Variants in LARP1 observed in about 807,000 individuals in gnomAD.
LARP1 encodes the protein La ribonucleoprotein 1, translational regulator, also known as la-related protein 1.
Under a neutral mutation model 122.7 loss-of-function variants are expected in LARP1, and 36 were observed. The ratio of observed to expected loss-of-function variants is 0.29; its 90% CI spans 0.22 to 0.39. The LOEUF (loss-of-function observed/expected upper bound fraction) is 0.39. LARP1 is among the 10% of genes least tolerant of loss of function. LARP1 has a pLI of 1.00. For synonymous variants in LARP1, 539 were observed against 528.7 expected (o/e 1.02, Z -0.27); for missense variants, 1,040 against 1,403.6 (o/e 0.74, Z 4.14).
At chr5:154,788,950 G>A (rs1757108656) in intron 1 of LARP1, among the ~76,000 whole-genome samples, 1 of 152,078 alleles carries the variant, frequency 6.6e-6, no homozygotes, top group African/African-American at 2.4e-5. Context: ...AGTGGCTGAC[G>A]CCTGTAATCC....
intron 1 of LARP1, among the ~76,000 whole-genome samples, chr5:154,740,073 C>A (rs1454064040): frequency 6.9e-6 from 1 of 145,874 alleles, no homozygotes; most frequent in African/African-American, 2.6e-5. Flanking sequence ...AAAAAACACA[C>A]CACACACACA....
intron 1 of LARP1, among the ~76,000 whole-genome samples, chr5:154,771,811 A>G (rs1234509023): frequency 6.6e-6 from 1 of 152,156 alleles, no homozygotes; most frequent in East Asian, 1.9e-4. Flanking sequence ...GCCTGCTGGA[A>G]AGACCTTGTA....
intron 1 of LARP1, among the ~76,000 whole-genome samples, chr5:154,720,406 T>C (rs563272043): frequency 2.0e-5 from 3 of 152,222 alleles, no homozygotes; most frequent in Admixed American, 6.5e-5. Context: ...TAGAGTGGTT[T>C]GTAATGGTTC....
intron 1 of LARP1, among the ~76,000 whole-genome samples, chr5:154,695,176 G>A (rs369469424): frequency 8.6e-5 from 13 of 151,692 alleles, no homozygotes; most frequent in South Asian, 8.4e-4. Flanking sequence ...TTAGCCAGGC[G>A]TGTTGGTGGG....
At chr5:154,796,333 A>G (rs1222760812) in intron 8 of LARP1, among the ~76,000 whole-genome samples, 1 of 150,724 alleles carries the variant, frequency 6.6e-6, no homozygotes, top group Non-Finnish European at 1.5e-5. Context: ...CCTGGGTAAC[A>G]TAGCAGGACC....
intron 7 of LARP1, among the ~76,000 whole-genome samples, chr5:154,794,922 G>A (rs1025272839): frequency 4.6e-5 from 7 of 152,222 alleles, no homozygotes; most frequent in Non-Finnish European, 7.3e-5. Flanking sequence ...GGAATTTAAA[G>A]GAGGATGAGG....
At chr5:154,701,718 T>A (rs759445127) in intron 1 of LARP1, among the ~76,000 whole-genome samples, 3 of 151,422 alleles carry the variant, frequency 2.0e-5, no homozygotes, top group Non-Finnish European at 4.4e-5. Flanking sequence ...GCCTCCCAGG[T>A]TGAAGCTATT....
intron 1 of LARP1, chr5:154,786,510 A>T (rs762936875): frequency 2.2e-6 from 1 of 455,810 alleles, no homozygotes; most frequent in South Asian, 1.5e-5. Flanking sequence ...TTAGTTGAGG[A>T]AGAAGACCCT....
intron 1 of LARP1, among the ~76,000 whole-genome samples, chr5:154,766,482 T>C (rs1445423699): frequency 6.6e-6 from 1 of 152,204 alleles, no homozygotes; most frequent in Non-Finnish European, 1.5e-5. Flanking sequence ...TTATGGGATA[T>C]CTCAGACCCT....
chr5:154,781,574 CAA>C (rs1756449896), intron 1 of LARP1, among the ~76,000 whole-genome samples: 1 of 149,178 alleles, frequency 6.7e-6, no homozygotes, highest in African/African-American at 2.5e-5. Flanking sequence ...GCCTGGGTGA[CAA>C]GAGTGAGACT....
At chr5:154,784,159 C>G (rs1222624676) in intron 1 of LARP1, among the ~76,000 whole-genome samples, 1 of 152,214 alleles carries the variant, frequency 6.6e-6, no homozygotes. Context: ...AAAGCCTCTT[C>G]TGGTGTGAAG....
chr5:154,733,538 CTGTTTTTTCTT>C (rs368489051), intron 1 of LARP1, among the ~76,000 whole-genome samples: 1,516 of 147,894 alleles, frequency 0.01, 24 homozygotes, highest in African/African-American at 0.035. Context: ...TATATAACCT[CTGTTTTTTCTT>C]TTATCTTTTC....
intron 8 of LARP1, among the ~76,000 whole-genome samples, chr5:154,795,551 C>G (rs957951712): frequency 2.0e-5 from 3 of 152,144 alleles, no homozygotes; most frequent in Non-Finnish European, 2.9e-5. Context: ...ATGAGCCCAT[C>G]ATCAGCTTCG....
intron 1 of LARP1, among the ~76,000 whole-genome samples, chr5:154,762,825 G>GT (rs1307405473): frequency 6.6e-6 from 1 of 152,160 alleles, no homozygotes; most frequent in Non-Finnish European, 1.5e-5. Flanking sequence ...TTAGAATGGA[G>GT]TTGCAAGCTT....
At chr5:154,768,425 G>C (rs1755127755) in intron 1 of LARP1, among the ~76,000 whole-genome samples, 1 of 152,168 alleles carries the variant, frequency 6.6e-6, no homozygotes, top group African/African-American at 2.4e-5. Context: ...CCACTGACAA[G>C]TTTTGATTGA....
At position 154,792,685 on chromosome 5, in the gene LARP1, G is replaced by A; in HGVS notation, c.628G>A (p.Glu210Lys). The A allele has an allele frequency of 1.9e-6, 3 of 1,614,176 alleles. No individual in the cohort carries two copies. Among genetic ancestry groups the A allele is most frequent in the Non-Finnish European group, 2.5e-6 (3 of 1,180,028 alleles). ...ACCCAAGAAGGACATGAAGGAACAG[G>A]AGAAAGGAGAAGGGAGTGATAGTAA... ...LPPKKDMKEQ[E>K]KGEGSDSKES... Residue 210 changes from glutamate (E) to lysine (K), a missense_variant, in exon 4 of 19, where the codon GAG becomes AAG. By Grantham distance (56) the Glu-to-Lys change is moderately conservative. Transcript: ENST00000518297.
At chr5:154,696,010 T>G (rs899778356) in intron 1 of LARP1, among the ~76,000 whole-genome samples, 1 of 152,128 alleles carries the variant, frequency 6.6e-6, no homozygotes, top group Non-Finnish European at 1.5e-5. Flanking sequence ...GCAGCTAGGT[T>G]TAGATCAACT....
intron 3 of LARP1, among the ~76,000 whole-genome samples, 194 bp from the exon 4 acceptor site, chr5:154,792,428 C>T (rs1757419051): frequency 6.6e-6 from 1 of 152,198 alleles, no homozygotes; most frequent in Non-Finnish European, 1.5e-5. Context: ...GTTGCCTTCC[C>T]ACCTTCTGGC....
At chr5:154,770,688 G>T (rs538909739) in intron 1 of LARP1, among the ~76,000 whole-genome samples, 1 of 152,110 alleles carries the variant, frequency 6.6e-6, no homozygotes, top group Non-Finnish European at 1.5e-5. Flanking sequence ...TTGATTTCAG[G>T]TAAGATCCTT....
Sources: allele counts gnomAD v4.1 joint callset (sites outside exome capture counted in the v4.1 genomes callset), GRCh38; gene constraint gnomAD v4.1.1; transcripts MANE v1.5; gene names NCBI Gene and HGNC (gene_info 2026-07-23, HGNC 2026-07-21).